DPYD: variants seen among roughly 807,000 people sequenced by gnomAD.
DPYD encodes the protein dihydropyrimidine dehydrogenase, also known as dihydropyrimidine dehydrogenase [NADP(+)].
DPYD carries 109 observed loss-of-function variants against 116.2 expected under a neutral mutation model. The ratio of observed to expected loss-of-function variants is 0.94; its 90% CI spans 0.80 to 1.10. DPYD has a LOEUF of 1.10. DPYD is among the 50% of genes least tolerant of loss of function. The pLI is 0.00. For missense variants in DPYD, 1,302 were observed against 1,254.5 expected (o/e 1.04, Z -0.57); for synonymous variants, 440 against 432.0 (o/e 1.02, Z -0.23).
In DPYD at chr1:97,290,530, C is replaced by T. The variant is rs953025240; in HGVS notation, c.2299+14729G>A. ...AGAACAGAGCCCTCAGAAATAACAC[C>T]GCATATCTACAACTATCTGATCTTT... is the stretch of plus-strand genomic sequence containing the variant. On this transcript the variant is annotated intron_variant, in intron 18 of 22. Transcript: ENST00000370192. 5.9e-5 allele frequency among the ~76,000 whole-genome samples: 9 copies of T among 152,092 alleles called. No homozygotes were observed. In the South Asian group the frequency reaches 1.0e-3, roughly 18 times the overall value.
rs890861932 is a variant in DPYD at position 97,452,187 on chromosome 1, C to T, written c.1741-1964G>A. ...TGAGAAGTTTTTCTTTTCTCTCCAA[C>T]TCCATTGAGTCTTAGTAACATGCTC... On this transcript the variant is annotated intron_variant, in intron 13 of 22. Coordinates refer to ENST00000370192, the MANE Select transcript of DPYD (RefSeq NM_000110.4). 3.9e-5 allele frequency among the ~76,000 whole-genome samples: 6 copies of T among 152,272 alleles called. No individual in the cohort carries two copies. In the East Asian group the frequency reaches 9.6e-4, roughly 24 times the overall value.
chr1:97,653,013 AT>A (rs1393170709), intron 8 of DPYD, among the ~76,000 whole-genome samples: 1 of 151,932 alleles, frequency 6.6e-6, no homozygotes, highest in Admixed American at 6.6e-5. Context: ...TCCTGCTTCA[AT>A]TTTTCTATCT....
intron 20 of DPYD, among the ~76,000 whole-genome samples, chr1:97,143,533 C>T (rs1654384837): frequency 6.6e-6 from 1 of 152,006 alleles, no homozygotes; most frequent in South Asian, 2.1e-4. Context: ...TTAGTATTAC[C>T]CAGTGACTGT....
intron 13 of DPYD, among the ~76,000 whole-genome samples, chr1:97,503,127 TTC>T (rs1472425914): frequency 5.3e-5 from 8 of 152,046 alleles, no homozygotes; most frequent in Admixed American, 5.2e-4. Flanking sequence ...AAGCTTGTTT[TTC>T]TCTTTTCATA....
chr1:97,820,406 C>T (rs1668861603), intron 3 of DPYD, among the ~76,000 whole-genome samples: 1 of 152,138 alleles, frequency 6.6e-6, no homozygotes, highest in African/African-American at 2.4e-5. Context: ...TATATTGCTT[C>T]CACCTCTAAA....
intron 3 of DPYD, among the ~76,000 whole-genome samples, chr1:97,801,283 C>A (rs1667832211): frequency 6.6e-6 from 1 of 151,826 alleles, no homozygotes; most frequent in African/African-American, 2.4e-5. Context: ...GCTCCTTGAT[C>A]TGAAACTCCT....
At chr1:97,556,441 G>A (rs1294769948) in intron 11 of DPYD, among the ~76,000 whole-genome samples, 1 of 147,110 alleles carries the variant, frequency 6.8e-6, no homozygotes, top group Admixed American at 6.8e-5. Flanking sequence ...TGCCATGCTG[G>A]TGTGCTGCAC....
intron 3 of DPYD, among the ~76,000 whole-genome samples, chr1:97,770,300 T>C (rs544544796): frequency 6.6e-6 from 1 of 152,210 alleles, no homozygotes; most frequent in South Asian, 2.1e-4. Flanking sequence ...TGACAGCACA[T>C]ACTGATTTTA....
chr1:97,357,833 T>C (rs1433876945), intron 16 of DPYD, among the ~76,000 whole-genome samples: 1 of 152,194 alleles, frequency 6.6e-6, no homozygotes, highest in Non-Finnish European at 1.5e-5. Flanking sequence ...TAGGATTCCA[T>C]TCTGAGATGG....
At chr1:97,390,388 C>T (rs1672628612) in intron 14 of DPYD, among the ~76,000 whole-genome samples, 1 of 151,976 alleles carries the variant, frequency 6.6e-6, no homozygotes, top group Non-Finnish European at 1.5e-5. Context: ...ATTTGATTTT[C>T]AAAGACATTT....
chr1:97,883,342 A>C lies in DPYD; in HGVS notation c.72T>G (p.Thr24=). Residue 24 remains threonine (T), a synonymous_variant, in exon 2 of 23, where the codon ACT becomes ACG. Coordinates refer to ENST00000370192, the MANE Select transcript of DPYD (RefSeq NM_000110.4). Reference sequence around the variant, plus strand: ...CCGAAGTGGAACACAGAGTTGCATGAGTTTGTGTTCGAGGATTTAAAGCCA... The same window carrying C: ...CCGAAGTGGAACACAGAGTTGCATGCGTTTGTGTTCGAGGATTTAAAGCCA... ...SILALNPRTQ[T]HATLCSTSAK... is the part of the protein sequence containing the mutation. 1 of 1,612,650 alleles carries C rather than the reference A, an allele frequency of 6.2e-7. No homozygotes were observed. The highest frequency in any genetic ancestry group is 2.2e-5 in the East Asian group (1 of 44,766).
intron 16 of DPYD, among the ~76,000 whole-genome samples, chr1:97,313,229 C>A (rs1667618232): frequency 6.6e-6 from 1 of 151,894 alleles, no homozygotes; most frequent in African/African-American, 2.4e-5. Flanking sequence ...GCCTACACCA[C>A]ACAAATTGAC....
At chr1:97,283,930 A>C (rs1665493511) in intron 18 of DPYD, among the ~76,000 whole-genome samples, 1 of 152,098 alleles carries the variant, frequency 6.6e-6, no homozygotes. Context: ...TGTTTTTCTC[A>C]TTTATAAAAT....
intron 16 of DPYD, among the ~76,000 whole-genome samples, chr1:97,344,391 T>C (rs1158997749): frequency 6.6e-6 from 1 of 151,924 alleles, no homozygotes; most frequent in Non-Finnish European, 1.5e-5. Context: ...TTGAGAATTG[T>C]TCATATATAG....
intron 10 of DPYD, among the ~76,000 whole-genome samples, chr1:97,584,626 A>G (rs1285399139): frequency 1.3e-5 from 2 of 152,050 alleles, no homozygotes; most frequent in Non-Finnish European, 2.9e-5. Context: ...GCCATAAAAA[A>G]TGATGAGTTC....
intron 3 of DPYD, among the ~76,000 whole-genome samples, chr1:97,807,291 A>C (rs1400819575): frequency 2.6e-5 from 4 of 152,078 alleles, no homozygotes; most frequent in Non-Finnish European, 5.9e-5. Flanking sequence ...AATGAATGAC[A>C]GTCCCTTTTG....
At chr1:97,326,382 G>A (rs1332141956) in intron 16 of DPYD, among the ~76,000 whole-genome samples, 1 of 151,844 alleles carries the variant, frequency 6.6e-6, no homozygotes, top group Admixed American at 6.6e-5. Flanking sequence ...ATCTCAGAAA[G>A]GAGTTTTGGA....
intron 8 of DPYD, among the ~76,000 whole-genome samples, chr1:97,664,475 T>C (rs1659444625): frequency 6.6e-6 from 1 of 151,942 alleles, no homozygotes; most frequent in South Asian, 2.1e-4. Context: ...TTTAAGGTTG[T>C]GAGGGCATAA....
At chr1:97,231,888 C>A (rs1368363976) in intron 19 of DPYD, among the ~76,000 whole-genome samples, 2 of 152,180 alleles carry the variant, frequency 1.3e-5, no homozygotes, top group African/African-American at 4.8e-5. Flanking sequence ...CTGAAACCCA[C>A]TCATAACTCC....
Sources: allele counts gnomAD v4.1 joint callset (sites outside exome capture counted in the v4.1 genomes callset), GRCh38; gene constraint gnomAD v4.1.1; transcripts MANE v1.5; gene names NCBI Gene and HGNC (gene_info 2026-07-23, HGNC 2026-07-21).